PTPRM: variants seen among roughly 807,000 people sequenced by gnomAD.
The protein encoded by PTPRM is receptor-type tyrosine-protein phosphatase mu.
In PTPRM, 47 loss-of-function variants were observed where a neutral mutation model predicts 186.7. The ratio of observed to expected loss-of-function variants is 0.25; its 90% CI spans 0.20 to 0.32. PTPRM has a LOEUF of 0.32. Among genes scored for constraint, PTPRM ranks in the 10% least tolerant of loss-of-function variants. PTPRM has a pLI of 1.00. For missense variants in PTPRM, 1,494 were observed against 1,865.0 expected (o/e 0.80, Z 3.66); for synonymous variants, 668 against 674.9 (o/e 0.99, Z 0.16).
intron 7 of PTPRM, among the ~76,000 whole-genome samples, chr18:8,067,244 G>A (rs1476447781): frequency 6.6e-6 from 1 of 152,134 alleles, no homozygotes; most frequent in Non-Finnish European, 1.5e-5. Context: ...GTTGATCTGT[G>A]TATGTATAGA....
intron 2 of PTPRM, among the ~76,000 whole-genome samples, chr18:7,857,791 CA>C (rs559898097): frequency 2.6e-5 from 4 of 152,268 alleles, no homozygotes; most frequent in African/African-American, 9.6e-5. Context: ...AGGACTAGAA[CA>C]AAGCCCTTGA....
At chr18:7,894,260 G>T (rs544309017) in intron 3 of PTPRM, among the ~76,000 whole-genome samples, 72 of 152,232 alleles carry the variant, frequency 4.7e-4, no homozygotes, top group African/African-American at 1.6e-3. Context: ...TCTGGTTTTT[G>T]ACTATTATAT....
chr18:8,039,077 G>A (rs571510107), intron 7 of PTPRM, among the ~76,000 whole-genome samples: 90 of 152,166 alleles, frequency 5.9e-4, no homozygotes, highest in Non-Finnish European at 7.6e-4. Flanking sequence ...TTCTGTAAGA[G>A]ATTTTTAATA....
At chr18:8,180,248 C>G (rs561851742) in intron 14 of PTPRM, among the ~76,000 whole-genome samples, 23 of 152,254 alleles carry the variant, frequency 1.5e-4, no homozygotes, top group Admixed American at 2.6e-4. Flanking sequence ...TATATTACCA[C>G]TAGAGAATAT....
chr18:7,714,756 A>G (rs1361781501), intron 1 of PTPRM, among the ~76,000 whole-genome samples: 3 of 152,236 alleles, frequency 2.0e-5, no homozygotes, highest in Non-Finnish European at 2.9e-5. Context: ...CAAATAAACT[A>G]GAAAATCTAG....
At chr18:8,355,383 T>TC in intron 23 of PTPRM, among the ~76,000 whole-genome samples, 1 of 151,878 alleles carries the variant, frequency 6.6e-6, no homozygotes, top group South Asian at 2.1e-4. Context: ...GGGAAGGTGT[T>TC]CCAGGCAGAG....
chr18:8,203,555 A>T (rs1323631593), intron 14 of PTPRM, among the ~76,000 whole-genome samples: 1 of 152,224 alleles, frequency 6.6e-6, no homozygotes, highest in Admixed American at 6.5e-5. Context: ...ATGCATATAT[A>T]TTAGATAATA....
At chr18:7,836,958 T>C (rs1476348258) in intron 2 of PTPRM, among the ~76,000 whole-genome samples, 1 of 152,202 alleles carries the variant, frequency 6.6e-6, no homozygotes, top group African/African-American at 2.4e-5. Context: ...TTAAATGCCT[T>C]GAGGTAGTCT....
At chr18:8,092,743 T>C (rs892417672) in intron 11 of PTPRM, among the ~76,000 whole-genome samples, 1 of 152,058 alleles carries the variant, frequency 6.6e-6, no homozygotes, top group Admixed American at 6.6e-5. Flanking sequence ...GGTGGAAGGA[T>C]CACTTGAGGC....
At chr18:8,256,541 G>A (rs1164731191) in intron 19 of PTPRM, among the ~76,000 whole-genome samples, 1 of 152,176 alleles carries the variant, frequency 6.6e-6, no homozygotes, top group Non-Finnish European at 1.5e-5. Context: ...TTGACACCAT[G>A]TTCTTTATAG....
intron 1 of PTPRM, among the ~76,000 whole-genome samples, chr18:7,649,640 G>A (rs987685682): frequency 1.7e-4 from 26 of 152,092 alleles, no homozygotes; most frequent in Admixed American, 6.6e-5. Flanking sequence ...TACAGATGGT[G>A]TAGTTACCCG....
chr18:8,043,778 G>T (rs765168451), intron 7 of PTPRM, among the ~76,000 whole-genome samples: 9 of 152,102 alleles, frequency 5.9e-5, no homozygotes, highest in Admixed American at 3.3e-4. Flanking sequence ...CTTGATCTGT[G>T]CAGAGAGGAC....
chr18:7,905,720 A>T (rs1308902289), intron 3 of PTPRM, among the ~76,000 whole-genome samples: 1 of 152,104 alleles, frequency 6.6e-6, no homozygotes, highest in African/African-American at 2.4e-5. Flanking sequence ...CTCATCCTGT[A>T]GCTATTGGCA....
chr18:8,005,680 G>A (rs1192551818), intron 7 of PTPRM, among the ~76,000 whole-genome samples: 1 of 152,026 alleles, frequency 6.6e-6, no homozygotes, highest in Non-Finnish European at 1.5e-5. Context: ...CCTCAGGGGT[G>A]ACCTCCCCTG....
chr18:7,857,756 C>T (rs562681182), intron 2 of PTPRM, among the ~76,000 whole-genome samples: 3 of 152,268 alleles, frequency 2.0e-5, no homozygotes, highest in African/African-American at 7.2e-5. Flanking sequence ...GCTGTTTGTA[C>T]AGCCAACTTT....
intron 7 of PTPRM, among the ~76,000 whole-genome samples, chr18:8,040,917 A>G (rs2086651896): frequency 6.6e-6 from 1 of 152,236 alleles, no homozygotes; most frequent in South Asian, 2.1e-4. Context: ...GCCATGCAGC[A>G]TTAGTTGATA....
intron 2 of PTPRM, among the ~76,000 whole-genome samples, chr18:7,779,934 A>T (rs1033015604): frequency 3.3e-5 from 5 of 152,098 alleles, no homozygotes; most frequent in African/African-American, 1.2e-4. Flanking sequence ...TCGTTCCTGG[A>T]TGGGCTTACG....
intron 13 of PTPRM, among the ~76,000 whole-genome samples, chr18:8,141,771 CT>C (rs11302823): frequency 0.98 from 148,686 of 152,302 alleles, 72,600 homozygotes; most frequent in East Asian, 1. Flanking sequence ...AATGGAATGG[CT>C]TTCCAGTATG....
At chr18:7,588,567 T>C (rs1471799356) in intron 1 of PTPRM, among the ~76,000 whole-genome samples, 2 of 152,238 alleles carry the variant, frequency 1.3e-5, no homozygotes, top group African/African-American at 4.8e-5. Flanking sequence ...AAAGAATCAG[T>C]GTCAGGAATC....
Sources: allele counts gnomAD v4.1 joint callset (sites outside exome capture counted in the v4.1 genomes callset), GRCh38; gene constraint gnomAD v4.1.1; transcripts MANE v1.5; gene names NCBI Gene and HGNC (gene_info 2026-07-23, HGNC 2026-07-21).